Variants in EFHD1 observed in about 807,000 individuals in gnomAD.
EFHD1 encodes the protein EF-hand domain family member D1.
Under a neutral mutation model 17.2 loss-of-function variants are expected in EFHD1, and 10 were observed. The ratio of observed to expected loss-of-function variants is 0.58; its 90% CI spans 0.36 to 0.99. The LOEUF (loss-of-function observed/expected upper bound fraction) is 0.99. Among genes scored for constraint, EFHD1 ranks in the 50% least tolerant of loss-of-function variants. The pLI, the probability that EFHD1 is intolerant of heterozygous loss-of-function variation, is 0.01. For synonymous variants in EFHD1, 153 were observed against 142.0 expected, an observed-to-expected ratio of 1.08 and a Z score of -0.55; for missense variants, 310 against 327.5, an observed-to-expected ratio of 0.95 and a Z score of 0.41.
At position 232,681,869 on chromosome 2, in the gene EFHD1, C is replaced by A. The variant is rs1695289860; in HGVS notation, c.*150C>A. On this transcript the variant is annotated 3_prime_UTR_variant, in exon 4 of 4. Coordinates refer to ENST00000264059, the MANE Select transcript of EFHD1 (RefSeq NM_025202.4). Reference sequence around the variant, plus strand: ...GCCAGCTCCCGTGCCAGCCTTCATTCCTCCCAGTGTCCAAGCCCCTCCAGG... The same window carrying A: ...GCCAGCTCCCGTGCCAGCCTTCATTACTCCCAGTGTCCAAGCCCCTCCAGG... The A allele has an allele frequency of 2.4e-6, 3 of 1,275,482 alleles. No homozygotes were observed. Among genetic ancestry groups the A allele is most frequent in the African/African-American group, 1.5e-5 (1 of 66,344 alleles). 79.0% of individuals were successfully genotyped at this position (1,275,482 alleles called of 1,614,324 possible).
intron 3 of EFHD1, among the ~76,000 whole-genome samples, chr2:232,676,466 G>A (rs1470524224): frequency 1.3e-5 from 2 of 152,128 alleles, no homozygotes; most frequent in Non-Finnish European, 2.9e-5. Flanking sequence ...CCTATGTGTT[G>A]AGGGTCATGG....
intron 1 of EFHD1, among the ~76,000 whole-genome samples, chr2:232,613,633 T>TACAC (rs1559335595): frequency 1.3e-4 from 13 of 100,036 alleles, no homozygotes; most frequent in South Asian, 1.2e-3. Context: ...CACACACACA[T>TACAC]ATACACACAC....
chr2:232,647,405 C>T (rs1310094520), intron 1 of EFHD1, among the ~76,000 whole-genome samples: 1 of 152,238 alleles, frequency 6.6e-6, no homozygotes, highest in Non-Finnish European at 1.5e-5. Context: ...ACCTGTGCCC[C>T]CTGGGCCACT....
chr2:232,633,001 G>A (rs1452542494), upstream of EFHD1, among the ~76,000 whole-genome samples: 3 of 152,200 alleles, frequency 2.0e-5, no homozygotes, highest in African/African-American at 7.2e-5. Context: ...TAGGGAAAAC[G>A]GGAGTTTTTT....
At chr2:232,654,082 C>A (rs1694707138) in intron 1 of EFHD1, among the ~76,000 whole-genome samples, 1 of 151,792 alleles carries the variant, frequency 6.6e-6, no homozygotes, top group South Asian at 2.1e-4. Flanking sequence ...TGGTGGGCAC[C>A]TGTAATCCCA....
At position 232,637,469 on chromosome 2, in the gene EFHD1, G is replaced by A. The variant is rs150023663; in HGVS notation, c.302+3463G>A. ...TGCCATTCTCTTGCCTCAGCCTCCC[G>A]AGTAGCTAGGACTACAGGCGCGCAC... is the stretch of plus-strand genomic sequence containing the variant. On this transcript the variant is annotated intron_variant, in intron 1 of 3. Coordinates refer to ENST00000264059, the MANE Select transcript of EFHD1 (RefSeq NM_025202.4). 3.0e-3 allele frequency among the ~76,000 whole-genome samples: 456 copies of A among 149,986 alleles called. 6 individuals are homozygous for A. In the East Asian group the frequency reaches 0.039, roughly 13 times the overall value.
intron 2 of EFHD1, among the ~76,000 whole-genome samples, chr2:232,666,676 G>A (rs1009212770): frequency 6.6e-6 from 1 of 152,168 alleles, no homozygotes; most frequent in African/African-American, 2.4e-5. Context: ...TGATTGGTTT[G>A]CACCCCCGTT....
chr2:232,623,673 C>CAAAAAAAAAAAA (rs756932393), intron 1 of EFHD1, among the ~76,000 whole-genome samples: 1 of 86,640 alleles, frequency 1.2e-5, no homozygotes, highest in African/African-American at 4.5e-5. Context: ...AGTCTCTGTC[C>CAAAAAAAAAAAA]AAAAAAAAAA....
intron 1 of EFHD1, among the ~76,000 whole-genome samples, chr2:232,660,193 T>TTA (rs1434453882): frequency 4.4e-5 from 3 of 67,876 alleles, no homozygotes; most frequent in Admixed American, 4.1e-4. Flanking sequence ...TTATTTTATT[T>TTA]ATTTATTTAT....
chr2:232,639,708 C>T (rs963216086), intron 1 of EFHD1, among the ~76,000 whole-genome samples: 19 of 152,112 alleles, frequency 1.2e-4, no homozygotes, highest in African/African-American at 4.6e-4. Context: ...TAAGAGTCCA[C>T]AAATCAGGTC....
rs1695195090 is a variant in EFHD1, at chr2:232,677,256, CTTTCT to C, written c.586-4328_586-4324del. 1.5e-4 allele frequency among the ~76,000 whole-genome samples: 15 copies of C among 102,332 alleles called. No homozygotes were observed. In the East Asian group the frequency reaches 1.8e-3, roughly 12 times the overall value. 67.1% of individuals were successfully genotyped at this position (102,332 alleles called of 152,430 possible). A position where few individuals can be genotyped will look rare whatever the true frequency, so the allele number is the denominator to read the frequency against. Reference sequence around the variant, plus strand: ...CACACACACACGTACACACACACATCTTTCTATAACACACACATACACACACACAC... The same window carrying C: ...CACACACACACGTACACACACACATCATAACACACACATACACACACACAC... On this transcript the variant is annotated intron_variant, in intron 3 of 3. Transcript: ENST00000264059.
intron 1 of EFHD1, among the ~76,000 whole-genome samples, chr2:232,616,162 G>A (rs945110956): frequency 1.4e-4 from 22 of 152,246 alleles, no homozygotes; most frequent in Admixed American, 3.3e-4. Context: ...ATCAAACCTG[G>A]GGTATAGAGA....
chr2:232,677,255 T>C (rs1432041759), intron 3 of EFHD1, among the ~76,000 whole-genome samples: 3 of 104,350 alleles, frequency 2.9e-5, no homozygotes, highest in East Asian at 6.9e-4. Context: ...CACACACACA[T>C]CTTTCTATAA....
chr2:232,649,260 C>G (rs532815354), intron 1 of EFHD1, among the ~76,000 whole-genome samples: 128 of 152,170 alleles, frequency 8.4e-4, no homozygotes, highest in Non-Finnish European at 1.6e-3. Flanking sequence ...TTTGGCGGAT[C>G]TGGGGGCTTT....
intron 1 of EFHD1, chr2:232,606,473 T>C: frequency 1.9e-6 from 1 of 528,490 alleles, no homozygotes; most frequent in South Asian, 2.2e-5. Context: ...GGAATGTCAG[T>C]GAATGAGGAA....
intron 1 of EFHD1, 62 bp downstream of exon 1, chr2:232,634,068 G>A: frequency 6.3e-7 from 1 of 1,583,090 alleles, no homozygotes; most frequent in South Asian, 1.1e-5. Context: ...GGGCTTTCTG[G>A]TCCGAAGTCC....
At chr2:232,629,476 CTTTTTT>C (rs967179050), upstream of EFHD1, among the ~76,000 whole-genome samples, 1 of 149,860 alleles carries the variant, frequency 6.7e-6, no homozygotes, top group African/African-American at 2.4e-5. Context: ...TTTTCTTTTT[CTTTTTT>C]TTTTCATATG....
At chr2:232,613,661 TACAC>T (rs141418547) in intron 1 of EFHD1, among the ~76,000 whole-genome samples, 5 of 128,838 alleles carry the variant, frequency 3.9e-5, no homozygotes, top group South Asian at 2.5e-4. Context: ...CACACACAAA[TACAC>T]ACACACAAAT....
At chr2:232,673,213 C>T (rs1004305885) in intron 3 of EFHD1, among the ~76,000 whole-genome samples, 1 of 152,154 alleles carries the variant, frequency 6.6e-6, no homozygotes, top group African/African-American at 2.4e-5. Flanking sequence ...CACAATGACA[C>T]AGAGAGGGTA....
Sources: gnomAD v4.1 joint callset for allele counts (sites outside exome capture counted in the v4.1 genomes callset) on GRCh38, gnomAD v4.1.1 for gene constraint, MANE v1.5 for transcripts, NCBI Gene and HGNC (gene_info 2026-07-23, HGNC 2026-07-21) for gene names.